MRM2: variants seen among roughly 807,000 people sequenced by gnomAD.
MRM2 encodes the protein rRNA methyltransferase 2, mitochondrial.
Under a neutral mutation model 10.9 loss-of-function variants are expected in MRM2, and 15 were observed. The ratio of observed to expected loss-of-function variants is 1.37; its 90% CI spans 0.92 to 2.11. The LOEUF (loss-of-function observed/expected upper bound fraction) is 2.11. Ranked by LOEUF, MRM2 falls within the 30% of genes most tolerant of loss-of-function variation. The probability of loss-of-function intolerance (pLI) is 0.00; values close to 1 mark genes in which losing one functional copy is unlikely to be tolerated. For synonymous variants in MRM2, 139 were observed against 128.7 expected (o/e 1.08, Z -0.54); for missense variants, 328 against 321.3 (o/e 1.02, Z -0.16).
At chr7:2,235,990 G>A (rs1208186695) in intron 2 of MRM2, among the ~76,000 whole-genome samples, 1 of 152,224 alleles carries the variant, frequency 6.6e-6, no homozygotes, top group Non-Finnish European at 1.5e-5. Flanking sequence ...AGCACTTTGG[G>A]AGGCTGACAC....
chr7:2,235,326 G>A lies in MRM2; in HGVS notation c.537C>T (p.Ser179=), dbSNP rs199842276. 1.1e-5 allele frequency: 17 copies of A among 1,614,092 alleles called. No homozygotes were observed. In the East Asian group the frequency reaches 1.3e-4, roughly 13 times the overall value. The change falls in exon 3 of 3, where the codon AGC becomes AGT. Residue 179 remains serine (S), a synonymous_variant. Coordinates refer to ENST00000242257, the MANE Select transcript of MRM2 (RefSeq NM_013393.3). ...RLISLCLTLL[S]VTPDILQPGG... is the part of the protein sequence containing the mutation. ...CAGGTTGCAGGATGTCTGGGGTCAC[G>A]CTGAGAAGGGTCAGGCACAGGCTGA...
intron 1 of MRM2, chr7:2,240,360 C>T (rs1794498974): frequency 2.2e-6 from 1 of 446,998 alleles, no homozygotes; most frequent in South Asian, 1.6e-5. Context: ...AGTTCCAGGG[C>T]TTTGACAGCT....
Position 2,239,493 on chromosome 7 carries a change from G to GT in MRM2, c.222_223insA (p.Arg75ThrfsTer55), listed in dbSNP as rs1459000080. Reference sequence around the variant, plus strand: ...GGAGCTGCCCCACAGTCTAACACCCGAAGGCCGGGCCGCAGAATCTGGTGC... The same window carrying GT: ...GGAGCTGCCCCACAGTCTAACACCCGTAAGGCCGGGCCGCAGAATCTGGTGC... On this transcript the variant is annotated frameshift_variant, in exon 2 of 3. Transcript: ENST00000242257. LOFTEE classifies it high-confidence loss of function. 1 of 1,613,794 alleles carries GT rather than the reference G, an allele frequency of 6.2e-7. No homozygotes were observed. The highest frequency in any genetic ancestry group is 8.5e-7 in the Non-Finnish European group (1 of 1,180,022).
intron 2 of MRM2, chr7:2,239,052 A>G: frequency 1.7e-6 from 1 of 587,678 alleles, no homozygotes. Flanking sequence ...ATGTATCATT[A>G]AGCAAAAATA....
At chr7:2,240,059 C>G (rs1249353864) in intron 1 of MRM2, among the ~76,000 whole-genome samples, 1 of 152,094 alleles carries the variant, frequency 6.6e-6, no homozygotes, top group Non-Finnish European at 1.5e-5. Context: ...CCCGTCTCTA[C>G]TAAAATGCAA....
At chr7:2,241,022 GAGAC>G (rs1794521894) in intron 1 of MRM2, among the ~76,000 whole-genome samples, 1 of 150,102 alleles carries the variant, frequency 6.7e-6, no homozygotes, top group Non-Finnish European at 1.5e-5. Flanking sequence ...TGTTTTTTTA[GAGAC>G]AGGGTTTTAC....
chr7:2,235,640 G>GTA, intron 2 of MRM2, 76 bp from the exon 3 acceptor site: 1 of 1,015,346 alleles, frequency 9.8e-7, no homozygotes, highest in African/African-American at 1.6e-5. Flanking sequence ...ATGCAACAAA[G>GTA]TGATGAAATA....
chr7:2,239,626 A>C lies in MRM2; in HGVS notation c.90T>G (p.Ala30=), dbSNP rs1207630437. ...VGSRCKNRTG[A]EHLWLTRHLR... is the part of the protein sequence containing the mutation. ...GATGTCGGGTCAGCCACAGGTGCTCAGCGCCTGTCCGATTCTTGCAGCGAC... is the reference window on the plus strand; with the variant it reads ...GATGTCGGGTCAGCCACAGGTGCTCCGCGCCTGTCCGATTCTTGCAGCGAC... The change falls in exon 2 of 3, where the codon GCT becomes GCG. Residue 30 remains alanine, a synonymous_variant. Transcript: ENST00000242257. 1 of 1,614,110 alleles carries C rather than the reference A, an allele frequency of 6.2e-7. No individual in the cohort carries two copies. The highest frequency in any genetic ancestry group is 2.2e-5 in the East Asian group (1 of 44,886).
rs528044037 is a variant in MRM2, at chr7:2,239,334, C to T, written c.298+84G>A. 14 of 1,368,268 alleles carry T rather than the reference C, an allele frequency of 1.0e-5. No individual in the cohort carries two copies. In the African/African-American group the frequency reaches 1.6e-4, roughly 15 times the overall value. The allele number at this position is 1,368,268 out of a possible 1,614,324, so 84.8% of individuals were successfully genotyped here. On this transcript the variant is annotated intron_variant, in intron 2 of 2. Transcript: ENST00000242257. ...CCTTCAAAAAAGGGCTCCACCATCC[C>T]GCATCCACTGGCAAAGGCAGCTTGC...
At chr7:2,241,203 T>C (rs1794527460) in intron 1 of MRM2, 1 of 151,694 alleles carries the variant, frequency 6.6e-6, no homozygotes, top group South Asian at 2.1e-4. Context: ...GATTTCACCA[T>C]GTTGGCCGAG....
intron 2 of MRM2, chr7:2,238,416 T>C (rs1379612947): frequency 6.6e-6 from 1 of 152,230 alleles, no homozygotes; most frequent in Non-Finnish European, 1.5e-5. Flanking sequence ...GCTGATCTCA[T>C]TATTCAGGAG....
At chr7:2,238,552 C>G (rs1037594335) in intron 2 of MRM2, 1 of 152,224 alleles carries the variant, frequency 6.6e-6, no homozygotes, top group Non-Finnish European at 1.5e-5. Flanking sequence ...AGGTTCCGGA[C>G]GGAGCAGCCC....
At chr7:2,240,260 ATAT>A (rs1562402407) in intron 1 of MRM2, 1 of 455,868 alleles carries the variant, frequency 2.2e-6, no homozygotes, top group Admixed American at 2.3e-5. Context: ...AATTAAAGTA[ATAT>A]TATTTTCTCA....
intron 2 of MRM2, among the ~76,000 whole-genome samples, chr7:2,237,673 A>C (rs1794441858): frequency 6.6e-6 from 1 of 152,168 alleles, no homozygotes; most frequent in African/African-American, 2.4e-5. Flanking sequence ...CCACGATGGA[A>C]GCACCAGGAA....
intron 1 of MRM2, 26 bp downstream of exon 1, chr7:2,242,136 A>G: frequency 6.3e-7 from 1 of 1,583,038 alleles, no homozygotes; most frequent in East Asian, 2.4e-5. Context: ...CGCTGTCTGC[A>G]CGCGCAGCAG....
chr7:2,242,155 A>G lies in MRM2; in HGVS notation c.8+7T>C, dbSNP rs748237428. On this transcript the variant is annotated splice_region_variant and intron_variant, in intron 1 of 2. Coordinates refer to ENST00000242257, the MANE Select transcript of MRM2 (RefSeq NM_013393.3). Reference sequence around the variant, plus strand: ...GTCTGCACGCGCAGCAGCAGCGCCCAGCTCACCCCGCCATTGGTGTTCCCC... The same window carrying G: ...GTCTGCACGCGCAGCAGCAGCGCCCGGCTCACCCCGCCATTGGTGTTCCCC... 5.7e-6 allele frequency: 9 copies of G among 1,584,246 alleles called. No individual in the cohort carries two copies. Among genetic ancestry groups the G allele is most frequent in the Non-Finnish European group, 7.7e-6 (9 of 1,169,438 alleles).
At position 2,239,414 on chromosome 7, in the gene MRM2, C is replaced by T. The variant is rs1201734971; in HGVS notation, c.298+4G>A. ...AAGGTGCCAACAGCAGTGCAGAGGC[C>T]CACCTGTGCCTGCGGCGTTGACCTT... On this transcript the variant is annotated splice_donor_region_variant and intron_variant, in intron 2 of 2. Transcript: ENST00000242257. 5.0e-6 allele frequency: 8 copies of T among 1,599,894 alleles called. No homozygotes were observed. Among genetic ancestry groups the T allele is most frequent in the African/African-American group, 1.3e-5 (1 of 74,692 alleles).
intron 1 of MRM2, among the ~76,000 whole-genome samples, chr7:2,240,659 C>G (rs989202628): frequency 6.6e-6 from 1 of 151,982 alleles, no homozygotes; most frequent in Non-Finnish European, 1.5e-5. Context: ...TACACACCTC[C>G]CCTTGTTTAA....
Position 2,239,704 on chromosome 7 carries a change from G to A in MRM2, c.12C>T (p.Tyr4=), listed in dbSNP as rs375028016. Residue 4 remains tyrosine, a synonymous_variant, in exon 2 of 3, where the codon TAC becomes TAT. Transcript: ENST00000242257. MAG[Y]LKLVCVSFQR... ...GAAAGGAAACACACACCAGCTTCAAGTACCTGGTGGGAGAGAAGAGGAGCA... is the reference window on the plus strand; with the variant it reads ...GAAAGGAAACACACACCAGCTTCAAATACCTGGTGGGAGAGAAGAGGAGCA... 2.4e-5 allele frequency: 39 copies of A among 1,610,416 alleles called. No individual in the cohort carries two copies. Among genetic ancestry groups the A allele is most frequent in the Non-Finnish European group, 2.9e-5 (34 of 1,177,168 alleles).
Sources: allele counts gnomAD v4.1 joint callset (sites outside exome capture counted in the v4.1 genomes callset), GRCh38; gene constraint gnomAD v4.1.1; transcripts MANE v1.5; gene names NCBI Gene and HGNC (gene_info 2026-07-23, HGNC 2026-07-21).